The following OPRD1 variants were observed in gnomAD, a reference collection of about 807,000 sequenced individuals.
OPRD1 encodes the protein opioid receptor delta 1.
In OPRD1, 19 loss-of-function variants were observed where a neutral mutation model predicts 17.5. That is an observed-to-expected ratio of 1.09 (90% CI 0.76 to 1.60). The LOEUF (loss-of-function observed/expected upper bound fraction) is 1.60. Among genes scored for constraint, OPRD1 ranks in the 40% most tolerant of loss-of-function variants. The pLI is 0.00. For synonymous variants in OPRD1, 256 were observed against 240.9 expected (o/e 1.06, Z -0.58); for missense variants, 483 against 547.2 (o/e 0.88, Z 1.17).
At chr1:28,812,925 T>C (rs1483708196) in intron 1 of OPRD1, among the ~76,000 whole-genome samples, 1 of 152,170 alleles carries the variant, frequency 6.6e-6, no homozygotes, top group Non-Finnish European at 1.5e-5. Flanking sequence ...TGTCACAGTT[T>C]GTGAGTGGAT....
At chr1:28,812,700 C>G in intron 1 of OPRD1, 90 bp downstream of exon 1, 1 of 1,146,428 alleles carries the variant, frequency 8.7e-7, no homozygotes, top group Non-Finnish European at 1.2e-6. Flanking sequence ...GTTCCCTGGA[C>G]TCCCCGCGCC....
intron 1 of OPRD1, among the ~76,000 whole-genome samples, chr1:28,848,286 C>T (rs768947101): frequency 6.6e-6 from 1 of 151,932 alleles, no homozygotes; most frequent in Admixed American, 6.6e-5. Context: ...AATACCATCA[C>T]GTTGGGAGTT....
At chr1:28,854,286 G>C (rs564059812) in intron 1 of OPRD1, among the ~76,000 whole-genome samples, 15 of 152,046 alleles carry the variant, frequency 9.9e-5, no homozygotes, top group African/African-American at 3.6e-4. Flanking sequence ...GAGTGCAGTA[G>C]CATTATCAGA....
At position 28,835,820 on chromosome 1, in the gene OPRD1, G is replaced by T. The variant is rs185431647; in HGVS notation, c.228-23134G>T. On this transcript the variant is annotated intron_variant, in intron 1 of 2. Transcript: ENST00000234961. ...GGGTTCTGGAGTCCAAGGAACCTGA[G>T]ACCCAAGCTAGGCCCTGCCATCCCT... Among the ~76,000 whole-genome samples the T allele has an allele frequency of 1.9e-3, 285 of 152,312 alleles. 3 individuals are homozygous for T. The highest frequency in any genetic ancestry group is 5.4e-3 in the African/African-American group (226 of 41,574).
chr1:28,857,832 G>A (rs2089070977), intron 1 of OPRD1, among the ~76,000 whole-genome samples: 1 of 151,148 alleles, frequency 6.6e-6, no homozygotes. Context: ...TCGGTCTGTC[G>A]CCCAGGCTGG....
intron 1 of OPRD1, among the ~76,000 whole-genome samples, chr1:28,830,548 C>A (rs986369780): frequency 6.6e-6 from 1 of 151,940 alleles, no homozygotes; most frequent in Non-Finnish European, 1.5e-5. Context: ...ACAACAACAA[C>A]AAAAACACTA....
At chr1:28,853,163 C>T (rs2089023056) in intron 1 of OPRD1, among the ~76,000 whole-genome samples, 1 of 152,226 alleles carries the variant, frequency 6.6e-6, no homozygotes, top group Non-Finnish European at 1.5e-5. Flanking sequence ...CTAATATCTG[C>T]TTCTCCCTGC....
intron 1 of OPRD1, among the ~76,000 whole-genome samples, chr1:28,829,004 A>T (rs80043332): frequency 7.3e-6 from 1 of 136,554 alleles, no homozygotes; most frequent in Non-Finnish European, 1.6e-5. Flanking sequence ...AAAAAAAAAA[A>T]GGAGAGAGAG....
intron 1 of OPRD1, among the ~76,000 whole-genome samples, chr1:28,845,591 T>C (rs755435573): frequency 6.6e-6 from 1 of 151,702 alleles, no homozygotes; most frequent in Non-Finnish European, 1.5e-5. Context: ...AAGAAGAAAT[T>C]TAAAAAAGAG....
intron 1 of OPRD1, among the ~76,000 whole-genome samples, chr1:28,854,219 C>T (rs527564714): frequency 6.6e-6 from 1 of 151,976 alleles, no homozygotes; most frequent in African/African-American, 2.4e-5. Flanking sequence ...AAATGGAAAG[C>T]CAGTTTAGGG....
Position 28,862,817 on chromosome 1 carries a change from T to G in OPRD1, c.653T>G (p.Phe218Cys). The G allele has an allele frequency of 6.2e-7, 1 of 1,613,594 alleles. No individual in the cohort carries two copies. Among genetic ancestry groups the G allele is most frequent in the Non-Finnish European group, 8.5e-7 (1 of 1,180,022 alleles). ...GACACGGTGACCAAGATCTGCGTGT[T>G]CCTCTTCGCCTTCGTGGTGCCCATC... ...YWDTVTKICV[F>C]LFAFVVPILI... The change falls in exon 3 of 3, where the codon TTC becomes TGC. Residue 218 changes from phenylalanine (F) to cysteine (C), a missense_variant. By Grantham distance (205) the Phe-to-Cys change is radical (BLOSUM62 -2). Coordinates refer to ENST00000234961, the MANE Select transcript of OPRD1 (RefSeq NM_000911.4).
rs530263452 is a variant in OPRD1 at position 28,845,982 on chromosome 1, A to G, written c.228-12972A>G. Among the ~76,000 whole-genome samples the G allele has an allele frequency of 8.5e-5, 13 of 152,316 alleles. No individual in the cohort carries two copies. The South Asian group carries it at 2.3e-3, about 27-fold the overall frequency. On this transcript the variant is annotated intron_variant, in intron 1 of 2. Transcript: ENST00000234961. ...CATCACTTCCCTGTTTAAAGTCTTC[A>G]ATGGCTTCCTGTTACACTCAGAGTA...
chr1:28,854,687 C>T (rs1055479038), intron 1 of OPRD1, among the ~76,000 whole-genome samples: 5 of 151,730 alleles, frequency 3.3e-5, no homozygotes, highest in Non-Finnish European at 7.4e-5. Flanking sequence ...GAGTCTCACC[C>T]TGTCACCCAG....
chr1:28,820,464 G>C (rs1453996993), intron 1 of OPRD1, among the ~76,000 whole-genome samples: 1 of 151,852 alleles, frequency 6.6e-6, no homozygotes, highest in African/African-American at 2.4e-5. Flanking sequence ...CAAAGTGCTG[G>C]GATTACAGGT....
intron 1 of OPRD1, among the ~76,000 whole-genome samples, chr1:28,855,671 C>A (rs550421022): frequency 1.3e-5 from 2 of 152,206 alleles, no homozygotes; most frequent in African/African-American, 4.8e-5. Flanking sequence ...TTCCCAGCAT[C>A]CCAGCCCCCT....
intron 1 of OPRD1, among the ~76,000 whole-genome samples, chr1:28,851,594 G>A (rs915499529): frequency 2.0e-5 from 3 of 152,130 alleles, no homozygotes; most frequent in South Asian, 2.1e-4. Flanking sequence ...GGAGGAGGCC[G>A]GGCACCGTGG....
chr1:28,839,705 A>C (rs545151747), intron 1 of OPRD1, among the ~76,000 whole-genome samples: 41 of 152,224 alleles, frequency 2.7e-4, no homozygotes, highest in Admixed American at 1.2e-3. Context: ...GGAAAAAAAA[A>C]CCCTCAGTTT....
intron 1 of OPRD1, among the ~76,000 whole-genome samples, chr1:28,842,019 G>C (rs901051454): frequency 6.7e-6 from 1 of 150,152 alleles, no homozygotes; most frequent in African/African-American, 2.5e-5. Flanking sequence ...TCATTGTGCC[G>C]GCCTTATTTT....
intron 1 of OPRD1, among the ~76,000 whole-genome samples, chr1:28,822,318 T>C (rs1039676534): frequency 2.1e-4 from 32 of 152,222 alleles, no homozygotes; most frequent in Non-Finnish European, 3.1e-4. Context: ...TGCTGTGTAA[T>C]GTAGGGAGCT....
Sources: allele counts gnomAD v4.1 joint callset (sites outside exome capture counted in the v4.1 genomes callset), GRCh38; gene constraint gnomAD v4.1.1; transcripts MANE v1.5; gene names NCBI Gene and HGNC (gene_info 2026-07-23, HGNC 2026-07-21).